The following ZXDC variants were observed in gnomAD, a reference collection of about 807,000 sequenced individuals.
The protein encoded by ZXDC is zinc finger protein ZXDC.
In ZXDC, 58 loss-of-function variants were observed where a neutral mutation model predicts 63.6. The observed-to-expected ratio is 0.91, with a 90% CI of 0.74 to 1.13. The LOEUF (loss-of-function observed/expected upper bound fraction) is 1.13, where lower values mean the gene tolerates loss of function less well. ZXDC is among the 50% of genes most tolerant of loss of function. The pLI is 0.00. For synonymous variants in ZXDC, 561 were observed against 496.1 expected (o/e 1.13, Z -1.74); for missense variants, 1,133 against 1,148.9 (o/e 0.99, Z 0.20).
At chr3:126,446,297 T>A (rs1933879493) in intron 7 of ZXDC, among the ~76,000 whole-genome samples, 1 of 152,182 alleles carries the variant, frequency 6.6e-6, no homozygotes, top group Middle Eastern at 3.4e-3. Flanking sequence ...CTAGGTATGA[T>A]GGTAAATAGC....
intron 7 of ZXDC, chr3:126,453,939 T>C (rs1335774926): frequency 1.0e-6 from 1 of 984,002 alleles, no homozygotes; most frequent in Non-Finnish European, 1.2e-6. Flanking sequence ...TTTAACATAT[T>C]ATGATCAGAA....
intron 7 of ZXDC, chr3:126,457,249 A>C: frequency 1.0e-6 from 1 of 985,110 alleles, no homozygotes; most frequent in African/African-American, 1.7e-5. Flanking sequence ...AGTATGCAGG[A>C]TGCTGCTTTG....
intron 7 of ZXDC, among the ~76,000 whole-genome samples, chr3:126,448,248 G>A (rs1177621866): frequency 6.6e-6 from 1 of 152,210 alleles, no homozygotes; most frequent in African/African-American, 2.4e-5. Flanking sequence ...TTTGAGGTCT[G>A]CGCAAGTTTC....
At chr3:126,439,576 G>A in intron 9 of ZXDC, 56 bp downstream of exon 9, 1 of 1,550,808 alleles carries the variant, frequency 6.4e-7, no homozygotes, top group East Asian at 2.4e-5. Flanking sequence ...GCTTCTGGAA[G>A]TCGAAGGCTC....
At chr3:126,462,722 G>C (rs999634126) in intron 5 of ZXDC, among the ~76,000 whole-genome samples, 7 of 152,112 alleles carry the variant, frequency 4.6e-5, no homozygotes, top group Non-Finnish European at 1.5e-5. Flanking sequence ...GTCAGCTCAT[G>C]TTTGCCAAAC....
chr3:126,472,360 A>G (rs1935013960), intron 1 of ZXDC, 55 bp from the exon 2 acceptor site: 1 of 1,583,304 alleles, frequency 6.3e-7, no homozygotes, highest in South Asian at 1.1e-5. Context: ...TATACAACAT[A>G]GCTAATGCTA....
Position 126,461,721 on chromosome 3 carries a change from T to A in ZXDC, c.1941A>T (p.Arg647=). 2 of 1,613,962 alleles carry A rather than the reference T, an allele frequency of 1.2e-6. No homozygotes were observed. The highest frequency in any genetic ancestry group is 2.2e-5 in the South Asian group (2 of 91,034). The part of the protein sequence containing the change: ...ITTPTSSSTP[R]ENASVPELLA... ...GCAGTTCCGGGACACTGGCATTTTCTCGGGGGGTGCTCGAAGAGGTCGGTG... is the reference window on the plus strand; with the variant it reads ...GCAGTTCCGGGACACTGGCATTTTCACGGGGGGTGCTCGAAGAGGTCGGTG... Residue 647 remains arginine, a synonymous_variant, in exon 6 of 10, where the codon CGA becomes CGT. Coordinates refer to ENST00000389709, the MANE Select transcript of ZXDC (RefSeq NM_025112.5).
chr3:126,445,203 T>C (rs1316975985), intron 7 of ZXDC, among the ~76,000 whole-genome samples: 2 of 152,186 alleles, frequency 1.3e-5, no homozygotes, highest in African/African-American at 4.8e-5. Flanking sequence ...AAAAAGTCAA[T>C]AGCTGAAAAG....
chr3:126,471,909 T>A, intron 3 of ZXDC, 64 bp downstream of exon 3: 1 of 1,361,094 alleles, frequency 7.3e-7, no homozygotes, highest in Non-Finnish European at 1.0e-6. Flanking sequence ...CATTCATTGG[T>A]TTCTGCTGCT....
chr3:126,471,377 G>A (rs926225445), intron 3 of ZXDC, among the ~76,000 whole-genome samples: 3 of 152,194 alleles, frequency 2.0e-5, no homozygotes, highest in African/African-American at 7.2e-5. Context: ...GCGACAGACG[G>A]TCGTGAGAAA....
intron 4 of ZXDC, among the ~76,000 whole-genome samples, chr3:126,470,240 G>A (rs1290276437): frequency 1.3e-5 from 2 of 152,208 alleles, no homozygotes; most frequent in East Asian, 3.8e-4. Context: ...GCCAAAGTGG[G>A]TGGATCACTT....
intron 4 of ZXDC, among the ~76,000 whole-genome samples, chr3:126,468,980 A>G (rs569591218): frequency 3.3e-5 from 5 of 152,042 alleles, no homozygotes; most frequent in South Asian, 4.2e-4. Context: ...CAATCACAAC[A>G]ACGACAGTAA....
chr3:126,454,266 T>C, intron 7 of ZXDC: 1 of 984,894 alleles, frequency 1.0e-6, no homozygotes, highest in Non-Finnish European at 1.2e-6. Flanking sequence ...CTAGTTTCTA[T>C]ACATTCAATT....
At chr3:126,469,580 C>T (rs1465689467) in intron 4 of ZXDC, among the ~76,000 whole-genome samples, 1 of 152,194 alleles carries the variant, frequency 6.6e-6, no homozygotes, top group Non-Finnish European at 1.5e-5. Context: ...AATCCTGAAG[C>T]CAGGCTAAGC....
chr3:126,438,705 C>A (rs1933556855), intron 9 of ZXDC, among the ~76,000 whole-genome samples: 1 of 152,208 alleles, frequency 6.6e-6, no homozygotes, highest in Admixed American at 6.5e-5. Context: ...TGTTCATATA[C>A]CCATATGCCT....
At chr3:126,451,629 G>A (rs1013266275) in intron 7 of ZXDC, 5 of 985,392 alleles carry the variant, frequency 5.1e-6, no homozygotes, top group Non-Finnish European at 6.0e-6. Context: ...TGTCACCTGG[G>A]AAGGCCTAGC....
At chr3:126,471,786 T>G (rs1227765331) in intron 3 of ZXDC, among the ~76,000 whole-genome samples, 187 bp downstream of exon 3, 2 of 152,110 alleles carry the variant, frequency 1.3e-5, no homozygotes, top group Non-Finnish European at 2.9e-5. Flanking sequence ...CAGAAAAAAC[T>G]GACTTCAGGT....
chr3:126,474,127 C>T (rs1241188280), intron 1 of ZXDC, among the ~76,000 whole-genome samples: 7 of 149,270 alleles, frequency 4.7e-5, no homozygotes, highest in Admixed American at 2.7e-4. Flanking sequence ...TGCAGTGGCG[C>T]GATCTCGGCT....
chr3:126,453,575 G>A (rs988854700), intron 7 of ZXDC: 3 of 985,464 alleles, frequency 3.0e-6, no homozygotes, highest in Admixed American at 6.1e-5. Flanking sequence ...AGTGCAGCGT[G>A]CTTCTATTAC....
Sources: gnomAD v4.1 joint callset for allele counts (sites outside exome capture counted in the v4.1 genomes callset) on GRCh38, gnomAD v4.1.1 for gene constraint, MANE v1.5 for transcripts, NCBI Gene and HGNC (gene_info 2026-07-23, HGNC 2026-07-21) for gene names.